Variants in PUDP observed in about 807,000 individuals in gnomAD.
The protein encoded by PUDP is pseudouridine-5'-phosphatase.
In PUDP, 8 loss-of-function variants were observed where a neutral mutation model predicts 9.4. The observed-to-expected ratio is 0.85, with a 90% CI of 0.50 to 1.53. The LOEUF (loss-of-function observed/expected upper bound fraction) is 1.53, where lower values mean the gene tolerates loss of function less well. Among genes scored for constraint, PUDP ranks in the 40% most tolerant of loss-of-function variants. PUDP has a pLI of 0.00. For synonymous variants in PUDP, 99 were observed against 80.7 expected (o/e 1.23, Z -1.22); for missense variants, 188 against 189.7 (o/e 0.99, Z 0.05).
At chrX:7,144,602 C>T (rs929909853) in intron 1 of PUDP, among the ~76,000 whole-genome samples, 1 of 110,538 alleles carries the variant, frequency 9.0e-6, no homozygotes, top group Non-Finnish European at 1.9e-5. Context: ...GTGAGGCAGG[C>T]ACTTATAGTC....
intron 1 of PUDP, among the ~76,000 whole-genome samples, chrX:7,032,426 T>C (rs1929803605): frequency 1.8e-5 from 2 of 112,364 alleles, no homozygotes; most frequent in Admixed American, 9.5e-5. Context: ...ATATTCATTG[T>C]AGCATTATTC....
chrX:6,795,576 A>G (rs1841225616), intron 3 of PUDP, among the ~76,000 whole-genome samples: 1 of 111,418 alleles, frequency 9.0e-6, no homozygotes, highest in Non-Finnish European at 1.9e-5. Flanking sequence ...ATGACCAGTA[A>G]GCCTACATGG....
chrX:7,004,136 A>C (rs1929368996), intron 1 of PUDP, among the ~76,000 whole-genome samples: 1 of 111,725 alleles, frequency 9.0e-6, no homozygotes, highest in African/African-American at 3.3e-5. Flanking sequence ...TTGGCTTCCC[A>C]AAGTGCAGGG....
intron 3 of PUDP, among the ~76,000 whole-genome samples, chrX:6,874,796 C>A (rs1271152765): frequency 1.8e-5 from 2 of 111,985 alleles, no homozygotes; most frequent in African/African-American, 3.2e-5. Context: ...TTTTGGGAAA[C>A]TCAAGCAATG....
At position 6,861,138 on chromosome X, in the gene PUDP, TTCA is replaced by T. The variant is rs764182129; in HGVS notation, c.*247+115992_*247+115994del. Among the ~76,000 whole-genome samples the T allele has an allele frequency of 3.3e-4, 37 of 111,886 alleles. No individual in the cohort carries two copies. The South Asian group carries it at 0.013, about 39-fold the overall frequency. On this transcript the variant is annotated intron_variant and NMD_transcript_variant, in intron 3 of 3. Transcript: ENST00000655425. The stretch of plus-strand genomic sequence containing the variant: ...GACTTTAGAAGGATCTGATGAAAGT[TTCA>T]TCAAGTAATACCCTCTACTTCTCTT...
chrX:6,914,891 CT>C (rs917443654), intron 3 of PUDP, among the ~76,000 whole-genome samples: 7 of 111,264 alleles, frequency 6.3e-5, no homozygotes, highest in Admixed American at 1.9e-4. Context: ...TAGAAGGAAT[CT>C]TTTTTTTTCT....
chrX:7,089,918 A>C (rs1465067), intron 2 of PUDP, among the ~76,000 whole-genome samples: 28,107 of 110,914 alleles, frequency 0.25, 2,769 homozygotes, highest in Admixed American at 0.41. Flanking sequence ...GTAAGAGGTA[A>C]ATTTTGTAAT....
chrX:7,077,096 G>A (rs753815431), intron 3 of PUDP, 124 bp downstream of exon 3: 274 of 1,057,981 alleles, frequency 2.6e-4, no homozygotes, highest in Non-Finnish European at 3.2e-4. Flanking sequence ...AAGTTCTAGG[G>A]AGCATTGCAA....
chrX:6,926,339 G>T (rs1928101324), intron 3 of PUDP, among the ~76,000 whole-genome samples: 1 of 112,133 alleles, frequency 8.9e-6, no homozygotes, highest in African/African-American at 3.2e-5. Flanking sequence ...GGAGTGTACT[G>T]TGGAATTAGA....
intron 1 of PUDP, among the ~76,000 whole-genome samples, chrX:7,043,749 T>A (rs1284964214): frequency 3.6e-5 from 4 of 110,701 alleles, no homozygotes; most frequent in African/African-American, 9.9e-5. Flanking sequence ...GTGGTGGGGA[T>A]GGGTTATATG....
chrX:6,933,661 G>C (rs1166477421), intron 3 of PUDP, among the ~76,000 whole-genome samples: 1 of 111,954 alleles, frequency 8.9e-6, no homozygotes, highest in African/African-American at 3.2e-5. Flanking sequence ...AGAGAAGAAG[G>C]CTTCAGACAA....
At chrX:6,707,022 C>T (rs990706981) in intron 1 of PUDP, among the ~76,000 whole-genome samples, 1 of 111,525 alleles carries the variant, frequency 9.0e-6, no homozygotes, top group East Asian at 2.8e-4. Context: ...GAAGCACCCC[C>T]CAACACCACC....
chrX:6,894,225 C>T (rs1206553103), intron 3 of PUDP, among the ~76,000 whole-genome samples: 3 of 111,004 alleles, frequency 2.7e-5, no homozygotes, highest in Non-Finnish European at 5.7e-5. Flanking sequence ...AACAAACCTG[C>T]ACATCCTGCA....
chrX:7,062,949 C>G (rs562227227), intron 3 of PUDP, among the ~76,000 whole-genome samples: 4 of 94,311 alleles, frequency 4.2e-5, no homozygotes, highest in African/African-American at 1.7e-4. Context: ...AAATACCTGG[C>G]TTAGTGTCAA....
intron 3 of PUDP, among the ~76,000 whole-genome samples, chrX:6,913,991 C>T (rs1441143256): frequency 7.3e-5 from 8 of 109,526 alleles, no homozygotes; most frequent in African/African-American, 2.7e-4. Context: ...CACAGTGAAA[C>T]CCCGTCTCTA....
At chrX:6,926,391 C>T (rs1283664620) in intron 3 of PUDP, among the ~76,000 whole-genome samples, 1 of 111,913 alleles carries the variant, frequency 8.9e-6, no homozygotes, top group Non-Finnish European at 1.9e-5. Context: ...ATGCAAAACA[C>T]AAAGGAGGCA....
chrX:6,804,626 A>C (rs1039411421), intron 3 of PUDP, among the ~76,000 whole-genome samples: 1 of 111,343 alleles, frequency 9.0e-6, no homozygotes, highest in Non-Finnish European at 1.9e-5. Flanking sequence ...GGAAGCCCGG[A>C]GATGTGGAGT....
In PUDP at chrX:6,759,184, T is replaced by C. The variant is rs763186422; in HGVS notation, c.*248-52718A>G. 1.2e-4 allele frequency among the ~76,000 whole-genome samples: 14 copies of C among 112,464 alleles called. No individual in the cohort carries two copies. The South Asian group carries it at 4.8e-3, about 39-fold the overall frequency. On this transcript the variant is annotated intron_variant and NMD_transcript_variant, in intron 3 of 3. Transcript: ENST00000655425. The stretch of plus-strand genomic sequence containing the variant: ...GGAGCCCAAAGAGTCAGCTGTTCCC[T>C]TGTTTTCCTGGGTCATCAATCTGAT...
intron 3 of PUDP, among the ~76,000 whole-genome samples, chrX:6,752,175 T>G (rs1225215666): frequency 3.6e-5 from 4 of 111,893 alleles, no homozygotes; most frequent in Non-Finnish European, 5.6e-5. Flanking sequence ...TTCTCTCTCC[T>G]TTGGCCTCTG....
Sources: gnomAD v4.1 joint callset for allele counts (sites outside exome capture counted in the v4.1 genomes callset) on GRCh38, gnomAD v4.1.1 for gene constraint, MANE v1.5 for transcripts, NCBI Gene and HGNC (gene_info 2026-07-23, HGNC 2026-07-21) for gene names.